Variants in ZNF384 observed in about 807,000 individuals in gnomAD.
ZNF384 encodes zinc finger protein 384.
A neutral mutation model predicts 65.0 loss-of-function variants in ZNF384; 20 were observed. That is an observed-to-expected ratio of 0.31 (90% CI 0.22 to 0.45). The LOEUF (loss-of-function observed/expected upper bound fraction) is 0.45. Among genes scored for constraint, ZNF384 ranks in the 20% least tolerant of loss-of-function variants. The pLI is 1.00. For missense variants in ZNF384, 549 were observed against 769.4 expected (o/e 0.71, Z 3.39); for synonymous variants, 310 against 303.9 (o/e 1.02, Z -0.21).
At chr12:6,681,584 G>A (rs1955969855) in intron 2 of ZNF384, among the ~76,000 whole-genome samples, 1 of 152,168 alleles carries the variant, frequency 6.6e-6, no homozygotes, top group African/African-American at 2.4e-5. Context: ...ATACACTGGA[G>A]GCAAACACTA....
rs1472092146 is a variant in ZNF384, at chr12:6,673,388, A to C, written c.832T>G (p.Ser278Ala). ...FYSKSEMQIH[S>A]KSHTETKPHK... is the part of the protein sequence containing the mutation. ...GGCTTGGTCTCGGTGTGTGACTTGGAGTGGATCTGCATCTCCGACTTGGAG... is the reference window on the plus strand; with the variant it reads ...GGCTTGGTCTCGGTGTGTGACTTGGCGTGGATCTGCATCTCCGACTTGGAG... The change falls in exon 8 of 12, where the codon TCC (serine) becomes GCC (alanine). Residue 278 changes from serine (S) to alanine (A), a missense_variant. Physicochemically the swap from Ser to Ala is moderately conservative, Grantham distance 99. Transcript: ENST00000683879. The surrounding 1 kb of genome is among the most constrained non-coding windows in gnomAD (Gnocchi z 4.7). 1.2e-6 allele frequency: 2 copies of C among 1,613,522 alleles called. No individual in the cohort carries two copies. Among genetic ancestry groups the C allele is most frequent in the Non-Finnish European group, 1.7e-6 (2 of 1,179,830 alleles).
chr12:6,667,574 T>C lies in ZNF384; in HGVS notation c.*140A>G, dbSNP rs1393257806. On this transcript the variant is annotated 3_prime_UTR_variant, in exon 12 of 12. Transcript: ENST00000683879. ...AGTTCAGAAAAAGGATGGTATCCTG[T>C]GAAGGAAAGCCGTGACAGAGGCCCA... 2 of 1,103,744 alleles carry C rather than the reference T, an allele frequency of 1.8e-6. No homozygotes were observed. The highest frequency in any genetic ancestry group is 3.4e-5 in the Admixed American group (2 of 58,934). 68.4% of individuals were successfully genotyped at this position (1,103,744 alleles called of 1,614,324 possible). A position where few individuals can be genotyped will look rare whatever the true frequency, so the allele number is the denominator to read the frequency against.
chr12:6,678,856 C>T lies in ZNF384; in HGVS notation c.304+90G>A. The T allele has an allele frequency of 6.8e-6, 10 of 1,474,932 alleles. No homozygotes were observed. The highest frequency in any genetic ancestry group is 9.4e-6 in the Non-Finnish European group (10 of 1,061,928). The allele number at this position is 1,474,932 out of a possible 1,614,324, so 91.4% of individuals were successfully genotyped here. A position where few individuals can be genotyped will look rare whatever the true frequency, so the allele number is the denominator to read the frequency against. ...TTTGATTGAATAATCAAACACATAT[C>T]CCACTCCCCATGTCCTTGGAGCCCT... is the stretch of plus-strand genomic sequence containing the variant. On this transcript the variant is annotated intron_variant, in intron 4 of 11. Transcript: ENST00000683879. This position sits in a 1 kb window ranked among gnomAD's most constrained non-coding sequence, Gnocchi z 4.9.
At chr12:6,671,753 C>T (rs1249571544) in intron 9 of ZNF384, 1 of 152,600 alleles carries the variant, frequency 6.6e-6, no homozygotes, top group Admixed American at 6.5e-5. Flanking sequence ...TCTTCCTAGT[C>T]ACTCCAGATT....
At chr12:6,668,541 A>G (rs1950353045) in intron 11 of ZNF384, among the ~76,000 whole-genome samples, 1 of 151,898 alleles carries the variant, frequency 6.6e-6, no homozygotes. Context: ...CATGTCTACT[A>G]AAAATACAAA....
At position 6,667,653 on chromosome 12, in the gene ZNF384, T is replaced by G. The variant is rs775385985; in HGVS notation, c.*61A>C. 10 of 1,607,122 alleles carry G rather than the reference T, an allele frequency of 6.2e-6. No individual in the cohort carries two copies. In the African/African-American group the frequency reaches 1.3e-4, roughly 22 times the overall value. On this transcript the variant is annotated 3_prime_UTR_variant, in exon 12 of 12. Coordinates refer to ENST00000683879, the MANE Select transcript of ZNF384 (RefSeq NM_001385745.1). Reference sequence around the variant, plus strand: ...AGAAAAGGACTTTTCCCACCAAGAGTTGGAGAAAGAAGACACCAGGACTAC... The same window carrying G: ...AGAAAAGGACTTTTCCCACCAAGAGGTGGAGAAAGAAGACACCAGGACTAC...
In ZNF384 at chr12:6,677,188, G is replaced by T; in HGVS notation, c.758C>A (p.Thr253Lys). The change falls in exon 7 of 12, where the codon ACG becomes AAG. Residue 253 changes from threonine (T) to lysine (K), a missense_variant. By Grantham distance (78) the Thr-to-Lys change is moderately conservative (BLOSUM62 -1). This residue lies in a region of ZNF384 where 277 missense variants were observed against 337.2 expected (regional missense o/e 0.82). Coordinates refer to ENST00000683879, the MANE Select transcript of ZNF384 (RefSeq NM_001385745.1). ...TTGCCCAGGGTCACACAGCAAATTC[G>T]TGGTGGAGCCGGGAACTGAATCCAT... ...GLMDSVPGSTTNLLCDPGCRM... is the reference protein window; with the variant it reads ...GLMDSVPGSTKNLLCDPGCRM... 8.4e-7 allele frequency: 1 copy of T among 1,186,992 alleles called. No homozygotes were observed. Among genetic ancestry groups the T allele is most frequent in the Non-Finnish European group, 1.1e-6 (1 of 887,620 alleles). 73.5% of individuals were successfully genotyped at this position (1,186,992 alleles called of 1,614,324 possible). A position where few individuals can be genotyped will look rare whatever the true frequency, so the allele number is the denominator to read the frequency against.
At chr12:6,679,566 C>G (rs1370345712) in intron 2 of ZNF384, 41 bp from the exon 3 acceptor site, 1 of 1,538,244 alleles carries the variant, frequency 6.5e-7, no homozygotes. Flanking sequence ...TCAGGAATTA[C>G]TCAGAAAAAG....
chr12:6,688,120 C>T (rs1316690680), intron 2 of ZNF384, 47 bp downstream of exon 2: 1 of 152,656 alleles, frequency 6.6e-6, no homozygotes, highest in African/African-American at 2.4e-5. Flanking sequence ...GTTGTGACCC[C>T]TTCTCCCCCA....
intron 9 of ZNF384, chr12:6,671,908 C>T (rs1401203694): frequency 3.2e-5 from 5 of 158,508 alleles, no homozygotes; most frequent in Non-Finnish European, 6.9e-5. Flanking sequence ...GTGGGTGTCA[C>T]CAGGCTGGTG....
intron 10 of ZNF384, among the ~76,000 whole-genome samples, chr12:6,669,602 C>G (rs1165894434): frequency 6.6e-6 from 1 of 151,762 alleles, no homozygotes; most frequent in South Asian, 2.1e-4. Flanking sequence ...CGGGTTCAAG[C>G]GATTCTCCTG....
Position 6,678,592 on chromosome 12 carries a change from T to G in ZNF384, c.352+71A>C. 6.6e-7 allele frequency: 1 copy of G among 1,521,714 alleles called. No individual in the cohort carries two copies. Among genetic ancestry groups the G allele is most frequent in the Non-Finnish European group, 9.0e-7 (1 of 1,116,524 alleles). The allele number at this position is 1,521,714 out of a possible 1,614,324, so 94.3% of individuals were successfully genotyped here. A position where few individuals can be genotyped will look rare whatever the true frequency, so the allele number is the denominator to read the frequency against. On this transcript the variant is annotated intron_variant, in intron 5 of 11. Transcript: ENST00000683879. This position sits in a 1 kb window ranked among gnomAD's most constrained non-coding sequence, Gnocchi z 4.9. ...GACCCAACCCAGAGTACACAGGAAATCCCAAACCCTGTAGAAAAATAATGG... is the reference window on the plus strand; with the variant it reads ...GACCCAACCCAGAGTACACAGGAAAGCCCAAACCCTGTAGAAAAATAATGG...
rs1954753959 is a variant in ZNF384 at position 6,678,818 on chromosome 12, C to A, written c.305-108G>T. 6.8e-7 allele frequency: 1 copy of A among 1,474,598 alleles called. No individual in the cohort carries two copies. The highest frequency in any genetic ancestry group is 9.4e-7 in the Non-Finnish European group (1 of 1,060,846). The allele number at this position is 1,474,598 out of a possible 1,614,324, so 91.3% of individuals were successfully genotyped here. On this transcript the variant is annotated intron_variant, in intron 4 of 11. Coordinates refer to ENST00000683879, the MANE Select transcript of ZNF384 (RefSeq NM_001385745.1). The surrounding 1 kb of genome is among the most constrained non-coding windows in gnomAD (Gnocchi z 4.9). ...AGCACATTGCTAGGCACACAGTAGG[C>A]ACTTAATAAAAATTTGATTGAATAA... is the stretch of plus-strand genomic sequence containing the variant.
intron 2 of ZNF384, among the ~76,000 whole-genome samples, chr12:6,684,396 A>G (rs1438279630): frequency 2.0e-5 from 3 of 152,234 alleles, no homozygotes; most frequent in African/African-American, 7.2e-5. Flanking sequence ...TCAAAATTGA[A>G]GTTTTTGATA....
At position 6,689,106 on chromosome 12, in the gene ZNF384, G is replaced by T; in HGVS notation, c.-74C>A. On this transcript the variant is annotated 5_prime_UTR_variant, in exon 1 of 12. Transcript: ENST00000683879. ...AGCGGCGCGAGACTCACCGGGCGGC[G>T]ACGGCTGCGGCGGCGCCAGAGCCTG... The T allele has an allele frequency of 6.6e-6, 1 of 152,594 alleles. No homozygotes were observed. The highest frequency in any genetic ancestry group is 2.1e-4 in the South Asian group (1 of 4,874). The allele number at this position is 152,594 out of a possible 1,614,324, so 9.5% of individuals were successfully genotyped here. A position where few individuals can be genotyped will look rare whatever the true frequency, so the allele number is the denominator to read the frequency against.
chr12:6,670,747 G>C lies in ZNF384; in HGVS notation c.1266+13C>G. On this transcript the variant is annotated intron_variant, in intron 10 of 11. Coordinates refer to ENST00000683879, the MANE Select transcript of ZNF384 (RefSeq NM_001385745.1). ...TCAGACTCAAGGTCTTGTGTGGAGGGTGGAACATTTACCTGCAGATTGGAG... is the reference window on the plus strand; with the variant it reads ...TCAGACTCAAGGTCTTGTGTGGAGGCTGGAACATTTACCTGCAGATTGGAG... 6.2e-7 allele frequency: 1 copy of C among 1,613,544 alleles called. No homozygotes were observed. The highest frequency in any genetic ancestry group is 8.5e-7 in the Non-Finnish European group (1 of 1,179,488).
intron 2 of ZNF384, among the ~76,000 whole-genome samples, chr12:6,681,075 G>A (rs1205485566): frequency 2.6e-5 from 4 of 151,764 alleles, no homozygotes; most frequent in Non-Finnish European, 5.9e-5. Context: ...GAAATTAGCC[G>A]GGGCATGGTG....
chr12:6,685,679 AG>A (rs1323760603), intron 2 of ZNF384, among the ~76,000 whole-genome samples: 1 of 149,632 alleles, frequency 6.7e-6, no homozygotes, highest in African/African-American at 2.5e-5. Flanking sequence ...AGGCTGAGAC[AG>A]GGAATTGCCT....
intron 9 of ZNF384, among the ~76,000 whole-genome samples, chr12:6,671,145 C>T (rs1037104126): frequency 6.6e-6 from 1 of 152,124 alleles, no homozygotes; most frequent in Non-Finnish European, 1.5e-5. Flanking sequence ...ACTGTCCTAA[C>T]GAACATTCAA....
Sources: gnomAD v4.1 joint callset for allele counts (sites outside exome capture counted in the v4.1 genomes callset) on GRCh38, gnomAD v4.1.1 for gene constraint, gnomAD v4.1.1 regional missense constraint, Gnocchi (gnomAD v3.1) non-coding constraint, MANE v1.5 for transcripts, NCBI Gene and HGNC (gene_info 2026-07-23, HGNC 2026-07-21) for gene names.